The following PLPPR4 variants were observed in gnomAD, a reference collection of about 807,000 sequenced individuals.
PLPPR4 encodes phospholipid phosphatase related 4, also known as phospholipid phosphatase-related protein type 4.
PLPPR4 carries 24 observed loss-of-function variants against 56.6 expected under a neutral mutation model. The observed-to-expected ratio is 0.42, with a 90% CI of 0.31 to 0.60. The LOEUF is 0.60. PLPPR4 is among the 20% of genes least tolerant of loss of function. PLPPR4 has a pLI of 0.13. For synonymous variants in PLPPR4, 326 were observed against 328.1 expected (o/e 0.99, Z 0.07); for missense variants, 654 against 885.8 (o/e 0.74, Z 3.32).
chr1:99,279,347 A>G (rs2100791143), intron 1 of PLPPR4, among the ~76,000 whole-genome samples: 1 of 152,334 alleles, frequency 6.6e-6, no homozygotes, highest in South Asian at 2.1e-4. Context: ...CTAATTTCTG[A>G]TACTTTATAT....
intron 1 of PLPPR4, among the ~76,000 whole-genome samples, chr1:99,267,544 C>T (rs191876659): frequency 9.3e-4 from 141 of 152,256 alleles, no homozygotes; most frequent in African/African-American, 2.9e-3. Flanking sequence ...AATTATTATA[C>T]CTACATCTTA....
intron 2 of PLPPR4, among the ~76,000 whole-genome samples, chr1:99,292,673 AG>A (rs775230717): frequency 5.4e-4 from 82 of 152,296 alleles, no homozygotes; most frequent in Admixed American, 6.5e-4. Context: ...TATAGGTTTT[AG>A]GTAACCAACT....
chr1:99,284,524 T>A (rs1416195971), intron 1 of PLPPR4, among the ~76,000 whole-genome samples: 1 of 152,014 alleles, frequency 6.6e-6, no homozygotes, highest in Non-Finnish European at 1.5e-5. Flanking sequence ...CCTGACCTTG[T>A]GATCCGCCTC....
At chr1:99,303,402 C>T (rs1659936314) in intron 6 of PLPPR4, among the ~76,000 whole-genome samples, 1 of 152,060 alleles carries the variant, frequency 6.6e-6, no homozygotes, top group South Asian at 2.1e-4. Flanking sequence ...TAAGTAGTTG[C>T]TTCTGGAATT....
intron 1 of PLPPR4, among the ~76,000 whole-genome samples, chr1:99,266,878 T>G (rs1188696804): frequency 6.6e-6 from 1 of 152,260 alleles, no homozygotes; most frequent in African/African-American, 2.4e-5. Context: ...ATGACTCATT[T>G]TGAAGCTGGT....
chr1:99,285,878 C>T (rs1659450886), intron 1 of PLPPR4, among the ~76,000 whole-genome samples: 1 of 152,088 alleles, frequency 6.6e-6, no homozygotes, highest in African/African-American at 2.4e-5. Flanking sequence ...TTTTTGGGTT[C>T]TGGAAGGTCT....
intron 2 of PLPPR4, among the ~76,000 whole-genome samples, chr1:99,290,249 C>T (rs1659582245): frequency 6.6e-6 from 1 of 152,050 alleles, no homozygotes; most frequent in African/African-American, 2.4e-5. Context: ...AGTGAAAGAG[C>T]TCTGCAAGGA....
chr1:99,293,675 C>T (rs532805611), intron 2 of PLPPR4, among the ~76,000 whole-genome samples: 22 of 152,264 alleles, frequency 1.4e-4, no homozygotes, highest in African/African-American at 5.3e-4. Context: ...GGAGGCTACA[C>T]AATCAATATG....
chr1:99,307,327 G>C lies in PLPPR4; in HGVS notation c.*317G>C, dbSNP rs925081639. On this transcript the variant is annotated 3_prime_UTR_variant, in exon 7 of 7. Coordinates refer to ENST00000370185, the MANE Select transcript of PLPPR4 (RefSeq NM_014839.5). ...TCAAATGTATACTATTTTACTTCCT[G>C]AATGTGCCAACTTTGGGGATTTTTC... is the stretch of plus-strand genomic sequence containing the variant. 1.3e-4 allele frequency: 35 copies of C among 270,216 alleles called. No individual in the cohort carries two copies. The highest frequency in any genetic ancestry group is 7.0e-4 in the African/African-American group (32 of 45,476). The allele number at this position is 270,216 out of a possible 1,614,324, so 16.7% of individuals were successfully genotyped here. A position where few individuals can be genotyped will look rare whatever the true frequency, so the allele number is the denominator to read the frequency against.
intron 1 of PLPPR4, among the ~76,000 whole-genome samples, chr1:99,282,348 G>A (rs1659350889): frequency 6.6e-6 from 1 of 152,080 alleles, no homozygotes; most frequent in Non-Finnish European, 1.5e-5. Context: ...CTAAACTCTA[G>A]TACATGCTGT....
At chr1:99,303,994 G>A (rs1659950324) in intron 6 of PLPPR4, among the ~76,000 whole-genome samples, 1 of 152,192 alleles carries the variant, frequency 6.6e-6, no homozygotes, top group Admixed American at 6.5e-5. Context: ...AAAGGATTTG[G>A]TTATGAATCC....
intron 1 of PLPPR4, among the ~76,000 whole-genome samples, chr1:99,281,946 T>A (rs141515175): frequency 6.6e-6 from 1 of 152,164 alleles, no homozygotes; most frequent in African/African-American, 2.4e-5. Context: ...ACATTACTTA[T>A]ATCAAAACTA....
intron 1 of PLPPR4, among the ~76,000 whole-genome samples, chr1:99,287,229 A>G (rs1248298666): frequency 6.7e-6 from 1 of 149,768 alleles, no homozygotes; most frequent in African/African-American, 2.5e-5. Flanking sequence ...ATTCCTCTTT[A>G]TGGGTGCATA....
At chr1:99,286,868 A>G (rs1450759526) in intron 1 of PLPPR4, among the ~76,000 whole-genome samples, 1 of 152,200 alleles carries the variant, frequency 6.6e-6, no homozygotes, top group Non-Finnish European at 1.5e-5. Flanking sequence ...AGTGGGAACC[A>G]CTAGACTGAT....
upstream of PLPPR4, among the ~76,000 whole-genome samples, chr1:99,262,956 C>A (rs1000485831): frequency 6.6e-6 from 1 of 151,992 alleles, no homozygotes; most frequent in African/African-American, 2.4e-5. Flanking sequence ...AGATGGCGGT[C>A]GCTGTGTGTG....
chr1:99,275,524 C>T (rs1044095196), intron 1 of PLPPR4, among the ~76,000 whole-genome samples: 6 of 152,240 alleles, frequency 3.9e-5, no homozygotes, highest in Non-Finnish European at 7.4e-5. Context: ...GTGATGGATT[C>T]GTCGTTGCGT....
At chr1:99,280,354 T>A (rs1318577251) in intron 1 of PLPPR4, among the ~76,000 whole-genome samples, 1 of 151,764 alleles carries the variant, frequency 6.6e-6, no homozygotes, top group Non-Finnish European at 1.5e-5. Flanking sequence ...AATATAGCGA[T>A]CTTTTAAACT....
Position 99,306,147 on chromosome 1 carries a change from A to G in PLPPR4, c.1285A>G (p.Ile429Val). ...GCCTGGGCAGTCACCACCCAGATCCATAGAAATGAGGTCAAGCTCAGAGCC... is the reference window on the plus strand; with the variant it reads ...GCCTGGGCAGTCACCACCCAGATCCGTAGAAATGAGGTCAAGCTCAGAGCC... ...PEPGQSPPRS[I>V]EMRSSSEPSR... The change falls in exon 7 of 7, where the codon ATA becomes GTA. Residue 429 changes from isoleucine (I) to valine (V), a missense_variant. Physicochemically the swap from Ile to Val is conservative, Grantham distance 29. Around this residue, in one of 2 missense-constraint regions of PLPPR4, gnomAD observed 468 missense variants for 554.3 expected, o/e 0.84. Coordinates refer to ENST00000370185, the MANE Select transcript of PLPPR4 (RefSeq NM_014839.5). This position sits in a 1 kb window ranked among gnomAD's most constrained non-coding sequence, Gnocchi z 4.0. 6.2e-7 allele frequency: 1 copy of G among 1,614,148 alleles called. No homozygotes were observed. The highest frequency in any genetic ancestry group is 2.2e-5 in the East Asian group (1 of 44,854).
chr1:99,298,776 T>A, intron 3 of PLPPR4: 1 of 606,412 alleles, frequency 1.6e-6, no homozygotes, highest in African/African-American at 1.9e-5. Context: ...TGACTTACAG[T>A]TAATGTTAAG....
Sources: gnomAD v4.1 joint callset for allele counts (sites outside exome capture counted in the v4.1 genomes callset) on GRCh38, gnomAD v4.1.1 for gene constraint, gnomAD v4.1.1 regional missense constraint, Gnocchi (gnomAD v3.1) non-coding constraint, MANE v1.5 for transcripts, NCBI Gene and HGNC (gene_info 2026-07-23, HGNC 2026-07-21) for gene names.